Variants in CUL9 observed in about 807,000 individuals in gnomAD.
CUL9 encodes cullin-9.
A neutral mutation model predicts 272.6 loss-of-function variants in CUL9; 79 were observed. The observed-to-expected ratio is 0.29, with a 90% CI of 0.24 to 0.35. The LOEUF (loss-of-function observed/expected upper bound fraction) is 0.35. Among genes scored for constraint, CUL9 ranks in the 10% least tolerant of loss-of-function variants. The probability of loss-of-function intolerance (pLI) is 1.00; values close to 1 mark genes in which losing one functional copy is unlikely to be tolerated. For synonymous variants in CUL9, 1,186 were observed against 1,286.5 expected, an observed-to-expected ratio of 0.92 and a Z score of 1.67; for missense variants, 2,532 against 3,255.6, an observed-to-expected ratio of 0.78 and a Z score of 5.41.
chr6:43,198,912 G>A (rs1178158008), intron 12 of CUL9, 57 bp downstream of exon 12: 7 of 1,557,476 alleles, frequency 4.5e-6, no homozygotes, highest in East Asian at 2.3e-5. Flanking sequence ...CAGACTTCAG[G>A]GACTTCACTT....
chr6:43,186,598 T>C, intron 4 of CUL9, 143 bp downstream of exon 4: 1 of 1,277,124 alleles, frequency 7.8e-7, no homozygotes, highest in Non-Finnish European at 1.0e-6. Context: ...TTGGCATTTG[T>C]GCGGGGTGCA....
At chr6:43,185,670 C>G in intron 3 of CUL9, 60 bp downstream of exon 3, 2 of 1,552,276 alleles carry the variant, frequency 1.3e-6, no homozygotes, top group South Asian at 1.2e-5. Flanking sequence ...TTTATGAAAA[C>G]GTGGTTCAGG....
In CUL9 at chr6:43,188,512, A is replaced by G. The variant is rs1773129933; in HGVS notation, c.1988-11A>G. On this transcript the variant is annotated splice_polypyrimidine_tract_variant and intron_variant, in intron 7 of 40. Transcript: ENST00000252050. ...GTTCTTTTAGCCATTGCCTTTTCCCACCAATTTCAGAAATGGCCAGAGCCT... is the reference window on the plus strand; with the variant it reads ...GTTCTTTTAGCCATTGCCTTTTCCCGCCAATTTCAGAAATGGCCAGAGCCT... 6.3e-7 allele frequency: 1 copy of G among 1,577,854 alleles called. No homozygotes were observed.
chr6:43,191,624 G>A (rs35685454), intron 8 of CUL9, among the ~76,000 whole-genome samples: 12 of 151,096 alleles, frequency 7.9e-5, no homozygotes, highest in African/African-American at 1.5e-4. Flanking sequence ...TTGCTTTGTC[G>A]CCCAGGCTGG....
chr6:43,200,644 C>CAG lies in CUL9; in HGVS notation c.3476-19_3476-18insAG, dbSNP rs775913734. 7.4e-6 allele frequency: 12 copies of CAG among 1,614,132 alleles called. No individual in the cohort carries two copies. Among genetic ancestry groups the CAG allele is most frequent in the Admixed American group, 5.0e-5 (3 of 60,012 alleles). On this transcript the variant is annotated intron_variant, in intron 15 of 40. Transcript: ENST00000252050. The surrounding 1 kb of genome is among the most constrained non-coding windows in gnomAD (Gnocchi z 4.0). ...AACTAACCTAGCTGTGACTGCCACCCCTTCCCACTTGCCCCCAGGCTCCAG... is the reference window on the plus strand; with the variant it reads ...AACTAACCTAGCTGTGACTGCCACCCAGCTTCCCACTTGCCCCCAGGCTCCAG...
chr6:43,217,592 G>A (rs532837662), intron 31 of CUL9, among the ~76,000 whole-genome samples: 38 of 152,262 alleles, frequency 2.5e-4, no homozygotes, highest in African/African-American at 8.7e-4. Flanking sequence ...TGCCAACAGC[G>A]TTTCCCCAGT....
At chr6:43,187,165 C>T (rs1773011037) in intron 5 of CUL9, 70 bp downstream of exon 5, 2 of 1,604,608 alleles carry the variant, frequency 1.2e-6, no homozygotes, top group African/African-American at 1.3e-5. Context: ...GAAGCCACTT[C>T]TGACCAGGAG....
chr6:43,215,075 C>A lies in CUL9; in HGVS notation c.5689-4C>A. ...GGACTTCTTGTTTCTTTCCTCCTATCCAGGTGCTGGAGGCCTGGCAGAAGG... is the reference window on the plus strand; with the variant it reads ...GGACTTCTTGTTTCTTTCCTCCTATACAGGTGCTGGAGGCCTGGCAGAAGG... On this transcript the variant is annotated splice_region_variant and splice_polypyrimidine_tract_variant and intron_variant, in intron 29 of 40. Coordinates refer to ENST00000252050, the MANE Select transcript of CUL9 (RefSeq NM_015089.4). 1 of 1,597,124 alleles carries A rather than the reference C, an allele frequency of 6.3e-7. No individual in the cohort carries two copies. The highest frequency in any genetic ancestry group is 8.6e-7 in the Non-Finnish European group (1 of 1,169,174).
chr6:43,221,583 G>C lies in CUL9; in HGVS notation c.6753-102G>C. On this transcript the variant is annotated intron_variant, in intron 34 of 40. Coordinates refer to ENST00000252050, the MANE Select transcript of CUL9 (RefSeq NM_015089.4). The surrounding 1 kb of genome is among the most constrained non-coding windows in gnomAD (Gnocchi z 4.2). ...GACTAAGGAGACTATCAGGGCAGGAGCAGAGGCCACAGCATCAACAGCGGT... is the reference window on the plus strand; with the variant it reads ...GACTAAGGAGACTATCAGGGCAGGACCAGAGGCCACAGCATCAACAGCGGT... 9.0e-7 allele frequency: 1 copy of C among 1,113,700 alleles called. No individual in the cohort carries two copies. Among genetic ancestry groups the C allele is most frequent in the South Asian group, 1.4e-5 (1 of 71,310 alleles). The allele number at this position is 1,113,700 out of a possible 1,614,324, so 69.0% of individuals were successfully genotyped here.
rs763847086 is a variant in CUL9, at chr6:43,204,507, C to T, written c.4307C>T (p.Pro1436Leu). The change falls in exon 21 of 41, where the codon CCT becomes CTT. Residue 1436 changes from proline (P) to leucine (L), a missense_variant. Transcript: ENST00000252050. Reference sequence around the variant, plus strand: ...TTGCTGGTGCATGTGGAACCTCCTCCTGGGCCTTCTCCTGAGCCATCCACT... The same window carrying T: ...TTGCTGGTGCATGTGGAACCTCCTCTTGGGCCTTCTCCTGAGCCATCCACT... The part of the protein sequence containing the change: ...CHLLVHVEPP[P>L]GPSPEPSTRP... 31 of 1,614,058 alleles carry T rather than the reference C, an allele frequency of 1.9e-5. No individual in the cohort carries two copies. Among genetic ancestry groups the T allele is most frequent in the Non-Finnish European group, 2.5e-5 (29 of 1,180,048 alleles).
At chr6:43,210,612 C>T (rs1204237319) in intron 26 of CUL9, among the ~76,000 whole-genome samples, 1 of 152,080 alleles carries the variant, frequency 6.6e-6, no homozygotes, top group East Asian at 1.9e-4. Flanking sequence ...TTAACTTTGC[C>T]ATACCCTTAA....
In CUL9 at chr6:43,199,857, A is replaced by G; in HGVS notation, c.3157-72A>G. On this transcript the variant is annotated intron_variant, in intron 13 of 40. Coordinates refer to ENST00000252050, the MANE Select transcript of CUL9 (RefSeq NM_015089.4). This position sits in a 1 kb window ranked among gnomAD's most constrained non-coding sequence, Gnocchi z 4.4. ...CTCAGCCACGACACTTCCTTTACTGAACCCTCTCCTCAATCCTTACATGTC... is the reference window on the plus strand; with the variant it reads ...CTCAGCCACGACACTTCCTTTACTGGACCCTCTCCTCAATCCTTACATGTC... 8.1e-7 allele frequency: 1 copy of G among 1,239,104 alleles called. No homozygotes were observed. Among genetic ancestry groups the G allele is most frequent in the African/African-American group, 1.5e-5 (1 of 67,648 alleles). The allele number at this position is 1,239,104 out of a possible 1,614,324, so 76.8% of individuals were successfully genotyped here. A position where few individuals can be genotyped will look rare whatever the true frequency, so the allele number is the denominator to read the frequency against.
intron 26 of CUL9, among the ~76,000 whole-genome samples, chr6:43,211,282 C>T (rs1775454927): frequency 6.6e-6 from 1 of 152,164 alleles, no homozygotes; most frequent in African/African-American, 2.4e-5. Context: ...TTCAGGCCAG[C>T]CACGGTGGCT....
chr6:43,208,881 T>C (rs1038917489), intron 26 of CUL9, among the ~76,000 whole-genome samples: 16 of 152,094 alleles, frequency 1.1e-4, no homozygotes, highest in African/African-American at 3.6e-4. Context: ...CACTCTGTCA[T>C]CCAGGCTGGA....
In CUL9 at chr6:43,196,826, C is replaced by G. The variant is rs139585467; in HGVS notation, c.2767C>G (p.Arg923Gly). The G allele has an allele frequency of 6.2e-7, 1 of 1,614,142 alleles. No individual in the cohort carries two copies. Among genetic ancestry groups the G allele is most frequent in the African/African-American group, 1.3e-5 (1 of 75,020 alleles). The change falls in exon 11 of 41, where the codon CGC becomes GGC. Residue 923 changes from arginine (R) to glycine (G), a missense_variant. Arg to Gly is a moderately radical substitution (Grantham distance 125). Coordinates refer to ENST00000252050, the MANE Select transcript of CUL9 (RefSeq NM_015089.4). ...TRTILMMLLN[R>G]YSEPPGSPER... ...CACCATCCTCATGATGCTTCTCAATCGCTACTCAGAGCCGCCGGGCAGCCC... is the reference window on the plus strand; with the variant it reads ...CACCATCCTCATGATGCTTCTCAATGGCTACTCAGAGCCGCCGGGCAGCCC...
intron 8 of CUL9, among the ~76,000 whole-genome samples, chr6:43,190,716 C>A (rs1277118272): frequency 6.6e-6 from 1 of 152,130 alleles, no homozygotes; most frequent in Non-Finnish European, 1.5e-5. Flanking sequence ...ACACTGTTGT[C>A]ATTATTAAAC....
rs766525440 is a variant in CUL9, at chr6:43,222,820, C to T, written c.7074C>T (p.Asp2358=). The part of the protein sequence containing the change: ...YACVYSFYSQ[D]AEYMDVVEQQ... ...GCGTGTACAGCTTCTACAGCCAGGA[C>T]GCAGAGTACATGGATGTGGTGGAGC... The change falls in exon 38 of 41, where the codon GAC becomes GAT. Residue 2358 remains aspartate, a synonymous_variant. Transcript: ENST00000252050. 1.1e-5 allele frequency: 18 copies of T among 1,613,960 alleles called. No homozygotes were observed. Among genetic ancestry groups the T allele is most frequent in the African/African-American group, 8.0e-5 (6 of 74,906 alleles).
At position 43,187,310 on chromosome 6, in the gene CUL9, A is replaced by G. The variant is rs777065100; in HGVS notation, c.1452A>G (p.Glu484=). Residue 484 remains glutamate (E), a synonymous_variant, in exon 6 of 41, where the codon GAA becomes GAG. Transcript: ENST00000252050. ...GLYPLPYLQP[E]PQKNERVGYL... Reference sequence around the variant, plus strand: ...ACCCTTTGCCGTACCTCCAGCCCGAACCTCAGAAGAATGAGAGAGTGGGAT... The same window carrying G: ...ACCCTTTGCCGTACCTCCAGCCCGAGCCTCAGAAGAATGAGAGAGTGGGAT... 3.1e-6 allele frequency: 5 copies of G among 1,614,102 alleles called. No homozygotes were observed. The highest frequency in any genetic ancestry group is 4.2e-6 in the Non-Finnish European group (5 of 1,179,994).
chr6:43,222,920 C>A, intron 38 of CUL9, 24 bp downstream of exon 38: 1 of 1,589,942 alleles, frequency 6.3e-7, no homozygotes, highest in Non-Finnish European at 8.6e-7. Context: ...GCCAGCCAGG[C>A]CCTCCTCCTG....
Sources: gnomAD v4.1 joint callset for allele counts (sites outside exome capture counted in the v4.1 genomes callset) on GRCh38, gnomAD v4.1.1 for gene constraint, Gnocchi (gnomAD v3.1) non-coding constraint, MANE v1.5 for transcripts, NCBI Gene and HGNC (gene_info 2026-07-23, HGNC 2026-07-21) for gene names.